TIAM1: variants seen among roughly 807,000 people sequenced by gnomAD.
TIAM1 encodes the protein TIAM Rac1 associated GEF 1.
TIAM1 carries 65 observed loss-of-function variants against 163.5 expected under a neutral mutation model. The ratio of observed to expected loss-of-function variants is 0.40; its 90% CI spans 0.33 to 0.49. The LOEUF is 0.49. Among genes scored for constraint, TIAM1 ranks in the 20% least tolerant of loss-of-function variants. The pLI, the probability that TIAM1 is intolerant of heterozygous loss-of-function variation, is 0.77. For synonymous variants in TIAM1, 833 were observed against 810.1 expected (o/e 1.03, Z -0.48); for missense variants, 1,789 against 2,044.7 (o/e 0.87, Z 2.41).
chr21:31,304,780 C>T (rs1007270151), intron 2 of TIAM1, among the ~76,000 whole-genome samples: 24 of 152,180 alleles, frequency 1.6e-4, no homozygotes, highest in Non-Finnish European at 3.1e-4. Flanking sequence ...GCAACCTCCG[C>T]CTCCTGGGTT....
chr21:31,242,724 G>A (rs969009604), intron 6 of TIAM1, among the ~76,000 whole-genome samples: 1 of 151,946 alleles, frequency 6.6e-6, no homozygotes, highest in African/African-American at 2.4e-5. Context: ...CAACAATAAA[G>A]TGGGTTGGGA....
chr21:31,490,380 T>A (rs2046423389), intron 1 of TIAM1, among the ~76,000 whole-genome samples: 1 of 152,020 alleles, frequency 6.6e-6, no homozygotes, highest in African/African-American at 2.4e-5. Flanking sequence ...TCACCATTGA[T>A]TAAAACACGA....
intron 19 of TIAM1, among the ~76,000 whole-genome samples, chr21:31,150,667 C>A (rs1018693494): frequency 6.6e-6 from 1 of 152,098 alleles, no homozygotes. Context: ...AGGAAAAAAT[C>A]TTTAGGCAAA....
intron 2 of TIAM1, among the ~76,000 whole-genome samples, chr21:31,374,131 T>C (rs753595208): frequency 1.3e-5 from 2 of 152,000 alleles, no homozygotes; most frequent in African/African-American, 2.4e-5. Context: ...GAAAATTCCA[T>C]GTAAGTTCCA....
At chr21:31,168,091 A>C (rs942474582) in intron 15 of TIAM1, among the ~76,000 whole-genome samples, 4 of 142,878 alleles carry the variant, frequency 2.8e-5, no homozygotes, top group African/African-American at 6.0e-5. Flanking sequence ...TGAGATTCTT[A>C]TTATTTTTTT....
At chr21:31,445,804 G>A (rs1177641455) in intron 2 of TIAM1, among the ~76,000 whole-genome samples, 1 of 152,160 alleles carries the variant, frequency 6.6e-6, no homozygotes, top group Non-Finnish European at 1.5e-5. Context: ...TACAGCCAGG[G>A]GGAGGAGGGG....
rs779142172 is a variant in TIAM1 at position 31,141,540 on chromosome 21, C to T, written c.3476-36G>A. The T allele has an allele frequency of 3.7e-6, 6 of 1,600,570 alleles. No homozygotes were observed. Among genetic ancestry groups the T allele is most frequent in the East Asian group, 4.5e-5 (2 of 44,806 alleles). ...TTAAACACAGGTCATGGGGGTGGAA[C>T]GCCCACGTGACTCCCTTCCCACAAT... On this transcript the variant is annotated intron_variant, in intron 20 of 27. Transcript: ENST00000541036. The surrounding 1 kb of genome is among the most constrained non-coding windows in gnomAD (Gnocchi z 4.7).
chr21:31,535,179 G>A (rs948523069), intron 1 of TIAM1, among the ~76,000 whole-genome samples: 23 of 151,456 alleles, frequency 1.5e-4, no homozygotes, highest in African/African-American at 1.9e-4. Context: ...TCAGGAGTTC[G>A]AGACCAGCCT....
At chr21:31,279,533 G>GCATCCGGCCATATC (rs1555914724) in intron 2 of TIAM1, among the ~76,000 whole-genome samples, 1 of 152,196 alleles carries the variant, frequency 6.6e-6, no homozygotes, top group African/African-American at 2.4e-5. Flanking sequence ...CGGGCTGCAC[G>GCATCCGGCCATATC]CATCCGGTCA....
intron 2 of TIAM1, among the ~76,000 whole-genome samples, chr21:31,317,331 G>C (rs1041135407): frequency 6.6e-6 from 1 of 152,136 alleles, no homozygotes; most frequent in Non-Finnish European, 1.5e-5. Flanking sequence ...GCACATGCTT[G>C]TCATCCCAGC....
At chr21:31,292,968 C>T (rs905415040) in intron 2 of TIAM1, among the ~76,000 whole-genome samples, 7 of 152,140 alleles carry the variant, frequency 4.6e-5, no homozygotes, top group East Asian at 3.9e-4. Flanking sequence ...GGATTACAGG[C>T]GCCCGCCACC....
intron 2 of TIAM1, among the ~76,000 whole-genome samples, chr21:31,383,810 G>A (rs1459981278): frequency 2.0e-5 from 3 of 152,172 alleles, no homozygotes; most frequent in Admixed American, 6.5e-5. Context: ...TGGGGCACTC[G>A]ATTTCTTTAA....
At chr21:31,402,195 G>A (rs1422131700) in intron 2 of TIAM1, among the ~76,000 whole-genome samples, 3 of 152,030 alleles carry the variant, frequency 2.0e-5, no homozygotes, top group East Asian at 3.9e-4. Context: ...CCTGGCGACA[G>A]AGTGAGACTC....
At chr21:31,478,718 GATCA>G (rs1437479062) in intron 1 of TIAM1, among the ~76,000 whole-genome samples, 9 of 152,112 alleles carry the variant, frequency 5.9e-5, no homozygotes, top group Non-Finnish European at 1.5e-5. Flanking sequence ...CCAAAACAAT[GATCA>G]ATTATTCATC....
At chr21:31,402,144 C>T (rs1049970177) in intron 2 of TIAM1, among the ~76,000 whole-genome samples, 6 of 151,832 alleles carry the variant, frequency 4.0e-5, no homozygotes, top group Non-Finnish European at 5.9e-5. Context: ...ACCCAGGAGG[C>T]GGAGATTGCA....
At chr21:31,213,059 T>C (rs1161720279) in intron 10 of TIAM1, 3 of 239,800 alleles carry the variant, frequency 1.3e-5, no homozygotes, top group African/African-American at 7.0e-5. Context: ...AACACACCTC[T>C]TGGGAAGAGA....
chr21:31,245,618 A>C lies in TIAM1; in HGVS notation c.1454T>G (p.Ile485Arg). The C allele has an allele frequency of 6.3e-7, 1 of 1,595,088 alleles. No individual in the cohort carries two copies. The highest frequency in any genetic ancestry group is 8.5e-7 in the Non-Finnish European group (1 of 1,170,598). ...FFYESDGRSG[I>R]DHNSIPKHAV... ...GTGTTTGGGGATGCTGTTGTGGTCTATCCCAGACCTGCCGTCGCTCTCGTA... is the reference window on the plus strand; with the variant it reads ...GTGTTTGGGGATGCTGTTGTGGTCTCTCCCAGACCTGCCGTCGCTCTCGTA... Residue 485 changes from isoleucine to arginine, a missense_variant, in exon 6 of 28, where the codon ATA (isoleucine) becomes AGA (arginine). Coordinates refer to ENST00000541036, the MANE Select transcript of TIAM1 (RefSeq NM_001353694.2).
intron 2 of TIAM1, among the ~76,000 whole-genome samples, chr21:31,430,130 C>G (rs1388360390): frequency 6.6e-6 from 1 of 150,838 alleles, no homozygotes; most frequent in East Asian, 1.9e-4. Context: ...CGCTTGAACC[C>G]GGGAGATGGA....
intron 1 of TIAM1, among the ~76,000 whole-genome samples, chr21:31,341,271 A>C (rs1016822507): frequency 1.3e-5 from 2 of 152,236 alleles, no homozygotes; most frequent in African/African-American, 4.8e-5. Flanking sequence ...ATTTGGGGAA[A>C]TACAAGTTCA....
Sources: allele counts gnomAD v4.1 joint callset (sites outside exome capture counted in the v4.1 genomes callset), GRCh38; gene constraint gnomAD v4.1.1; non-coding constraint Gnocchi (gnomAD v3.1); transcripts MANE v1.5; gene names NCBI Gene and HGNC (gene_info 2026-07-23, HGNC 2026-07-21).